The following CDH4 variants were observed in gnomAD, a reference collection of about 807,000 sequenced individuals.
The protein encoded by CDH4 is cadherin-4.
In CDH4, 33 loss-of-function variants were observed where a neutral mutation model predicts 86.0. That is an observed-to-expected ratio of 0.38 (90% CI 0.29 to 0.51). The LOEUF (loss-of-function observed/expected upper bound fraction) is 0.51. Ranked by LOEUF, CDH4 falls within the 20% of genes least tolerant of loss-of-function variation. CDH4 has a pLI of 0.86. For synonymous variants in CDH4, 555 were observed against 549.4 expected (o/e 1.01, Z -0.14); for missense variants, 1,114 against 1,307.4 (o/e 0.85, Z 2.28).
At chr20:61,740,071 A>G (rs2088315178) in intron 2 of CDH4, among the ~76,000 whole-genome samples, 1 of 152,242 alleles carries the variant, frequency 6.6e-6, no homozygotes, top group Admixed American at 6.5e-5. Flanking sequence ...AAAAATTAAA[A>G]AGGAAGCAAA....
At chr20:61,652,847 G>A (rs1270011375) in intron 2 of CDH4, among the ~76,000 whole-genome samples, 3 of 59,186 alleles carry the variant, frequency 5.1e-5, no homozygotes, top group Non-Finnish European at 1.3e-4. Flanking sequence ...GAAAAATCAA[G>A]AATTTTTTTT....
intron 6 of CDH4, among the ~76,000 whole-genome samples, chr20:61,862,200 G>A (rs1397203341): frequency 6.6e-6 from 1 of 152,146 alleles, no homozygotes; most frequent in Non-Finnish European, 1.5e-5. Flanking sequence ...GACACCCGGA[G>A]AGTCACTCAG....
intron 2 of CDH4, among the ~76,000 whole-genome samples, chr20:61,453,355 G>A (rs950401573): frequency 1.3e-5 from 2 of 152,198 alleles, no homozygotes; most frequent in African/African-American, 4.8e-5. Flanking sequence ...GGGCGGCCCA[G>A]CAGAGACGTC....
chr20:61,927,824 A>G (rs2055060878), intron 11 of CDH4, among the ~76,000 whole-genome samples: 1 of 152,016 alleles, frequency 6.6e-6, no homozygotes, highest in Non-Finnish European at 1.5e-5. Flanking sequence ...GCGTGTGTGC[A>G]GGTGTGGGTG....
At chr20:61,292,829 G>C (rs1255127526) in intron 2 of CDH4, among the ~76,000 whole-genome samples, 1 of 152,272 alleles carries the variant, frequency 6.6e-6, no homozygotes, top group African/African-American at 2.4e-5. Flanking sequence ...CAATGAAGGA[G>C]TTGAGTCCCA....
chr20:61,902,536 T>C lies in CDH4; in HGVS notation c.1188+7489T>C, dbSNP rs981019177. 2.0e-5 allele frequency among the ~76,000 whole-genome samples: 3 copies of C among 152,216 alleles called. No individual in the cohort carries two copies. The highest frequency in any genetic ancestry group is 7.2e-5 in the African/African-American group (3 of 41,448). On this transcript the variant is annotated intron_variant, in intron 8 of 15. Transcript: ENST00000614565. The surrounding 1 kb of genome is among the most constrained non-coding windows in gnomAD (Gnocchi z 4.6). ...TTGACACAGGGACAGGCACACCTTT[T>C]CTTGAATGGTCTGGAGAGTAAATGT...
chr20:61,786,642 A>G (rs917114221), intron 4 of CDH4, among the ~76,000 whole-genome samples: 1 of 152,214 alleles, frequency 6.6e-6, no homozygotes, highest in African/African-American at 2.4e-5. Context: ...TGCTCAGATA[A>G]TTTATTGGAG....
chr20:61,659,042 T>A (rs2087223431), intron 2 of CDH4, among the ~76,000 whole-genome samples: 1 of 152,206 alleles, frequency 6.6e-6, no homozygotes, highest in African/African-American at 2.4e-5. Context: ...ATCAACCTCA[T>A]ACTCCAATAG....
At chr20:61,294,183 G>T (rs564476093) in intron 2 of CDH4, among the ~76,000 whole-genome samples, 1 of 152,300 alleles carries the variant, frequency 6.6e-6, no homozygotes, top group East Asian at 1.9e-4. Flanking sequence ...TGATCCTGCC[G>T]GCATCATGGG....
intron 2 of CDH4, among the ~76,000 whole-genome samples, chr20:61,565,062 T>TTGGTGGTAGTGG (rs1555808994): frequency 9.9e-5 from 10 of 101,218 alleles, no homozygotes; most frequent in African/African-American, 3.8e-4. Context: ...GGTGGTGCTC[T>TTGGTGGTAGTGG]TGGTGGTGGT....
intron 4 of CDH4, among the ~76,000 whole-genome samples, chr20:61,801,065 T>A (rs1398227626): frequency 2.0e-5 from 3 of 152,154 alleles, no homozygotes; most frequent in Admixed American, 2.0e-4. Flanking sequence ...AGGCTTGGTT[T>A]TCGGTGGGGG....
At chr20:61,411,569 T>A (rs2085119815) in intron 2 of CDH4, among the ~76,000 whole-genome samples, 1 of 152,024 alleles carries the variant, frequency 6.6e-6, no homozygotes, top group African/African-American at 2.4e-5. Flanking sequence ...TGGTGCTGTC[T>A]GCTTCAGGGA....
intron 6 of CDH4, among the ~76,000 whole-genome samples, chr20:61,869,346 C>T (rs954171250): frequency 6.6e-6 from 1 of 152,210 alleles, no homozygotes; most frequent in Non-Finnish European, 1.5e-5. Flanking sequence ...CATTGCTGGA[C>T]GCATCCTCTC....
At chr20:61,793,327 C>T (rs187061745) in intron 4 of CDH4, among the ~76,000 whole-genome samples, 66 of 148,328 alleles carry the variant, frequency 4.4e-4, no homozygotes, top group African/African-American at 1.7e-3. Context: ...TAGTTCTTGG[C>T]GACAAAAAAA....
At chr20:61,586,714 C>A (rs1258419547) in intron 2 of CDH4, among the ~76,000 whole-genome samples, 1 of 152,190 alleles carries the variant, frequency 6.6e-6, no homozygotes, top group Non-Finnish European at 1.5e-5. Flanking sequence ...GGTATCTAAA[C>A]CCAGGCCACC....
rs560269546 is a variant in CDH4, at chr20:61,782,258, G to A, written c.576+9076G>A. The stretch of plus-strand genomic sequence containing the variant: ...TGGGAGACAGAGGTTGCAGTGAGCC[G>A]AGATCACGCCACTGCACTGCAGCCT... On this transcript the variant is annotated intron_variant, in intron 4 of 15. Transcript: ENST00000614565. 7.9e-5 allele frequency among the ~76,000 whole-genome samples: 12 copies of A among 152,220 alleles called. No homozygotes were observed. In the South Asian group the frequency reaches 1.0e-3, roughly 13 times the overall value.
intron 2 of CDH4, among the ~76,000 whole-genome samples, chr20:61,318,071 G>A (rs376387049): frequency 3.3e-5 from 5 of 152,218 alleles, no homozygotes; most frequent in East Asian, 3.9e-4. Flanking sequence ...TCTCCGTCCC[G>A]GCTGGAGGGA....
chr20:61,792,353 C>T (rs1186947187), intron 4 of CDH4, among the ~76,000 whole-genome samples: 2 of 152,132 alleles, frequency 1.3e-5, no homozygotes, highest in Non-Finnish European at 1.5e-5. Flanking sequence ...ACATCTGTCC[C>T]CCCTCCTGCA....
chr20:61,527,708 G>A (rs1375678773), intron 2 of CDH4, among the ~76,000 whole-genome samples: 2 of 152,146 alleles, frequency 1.3e-5, no homozygotes, highest in Non-Finnish European at 2.9e-5. Context: ...AAGATGGGGA[G>A]AGGGTCCTGT....
Sources: allele counts gnomAD v4.1 joint callset (sites outside exome capture counted in the v4.1 genomes callset), GRCh38; gene constraint gnomAD v4.1.1; non-coding constraint Gnocchi (gnomAD v3.1); transcripts MANE v1.5; gene names NCBI Gene and HGNC (gene_info 2026-07-23, HGNC 2026-07-21).